Variants in CAMKMT observed in about 807,000 individuals in gnomAD.
The protein encoded by CAMKMT is CaM KMT.
A neutral mutation model predicts 48.0 loss-of-function variants in CAMKMT; 53 were observed. The ratio of observed to expected loss-of-function variants is 1.10; its 90% CI spans 0.89 to 1.39. The LOEUF is 1.39. CAMKMT is among the 40% of genes most tolerant of loss of function. CAMKMT has a pLI of 0.00. For missense variants in CAMKMT, 428 were observed against 402.7 expected (o/e 1.06, Z -0.54); for synonymous variants, 165 against 152.3 (o/e 1.08, Z -0.61).
intron 3 of CAMKMT, among the ~76,000 whole-genome samples, chr2:44,560,156 T>C (rs1668245607): frequency 6.6e-6 from 1 of 152,198 alleles, no homozygotes; most frequent in South Asian, 2.1e-4. Context: ...GGAGTTTCTG[T>C]TAGGAAAAAT....
At chr2:44,566,000 T>G (rs902634375) in intron 3 of CAMKMT, among the ~76,000 whole-genome samples, 1 of 152,196 alleles carries the variant, frequency 6.6e-6, no homozygotes, top group Non-Finnish European at 1.5e-5. Flanking sequence ...TGGGGTAAAT[T>G]AGATGGCGCT....
intron 3 of CAMKMT, among the ~76,000 whole-genome samples, chr2:44,408,151 G>A (rs955004822): frequency 1.3e-5 from 2 of 150,436 alleles, no homozygotes; most frequent in African/African-American, 2.5e-5. Flanking sequence ...TCAGCCTCCC[G>A]AGTAGCTGGG....
At chr2:44,510,617 ATT>A (rs1285429829) in intron 3 of CAMKMT, among the ~76,000 whole-genome samples, 1 of 152,138 alleles carries the variant, frequency 6.6e-6, no homozygotes, top group Non-Finnish European at 1.5e-5. Context: ...TCCCTCTCAG[ATT>A]TTACATTCCA....
At chr2:44,483,417 C>G (rs1034235637) in intron 3 of CAMKMT, among the ~76,000 whole-genome samples, 1 of 152,022 alleles carries the variant, frequency 6.6e-6, no homozygotes, top group Admixed American at 6.6e-5. Context: ...ACTTTATTAG[C>G]CTTAAAGATG....
At chr2:44,586,824 A>G (rs554559029) in intron 3 of CAMKMT, among the ~76,000 whole-genome samples, 1 of 152,320 alleles carries the variant, frequency 6.6e-6, no homozygotes, top group African/African-American at 2.4e-5. Context: ...GAGTAAATAC[A>G]TAGGAGTAGA....
At chr2:44,664,527 T>A (rs1346361314) in intron 3 of CAMKMT, among the ~76,000 whole-genome samples, 3 of 152,262 alleles carry the variant, frequency 2.0e-5, no homozygotes, top group Non-Finnish European at 4.4e-5. Flanking sequence ...GCTCAGCTTT[T>A]ATTTCATTAA....
intron 3 of CAMKMT, among the ~76,000 whole-genome samples, chr2:44,521,795 C>T (rs138458390): frequency 0.013 from 1,938 of 152,168 alleles, 40 homozygotes; most frequent in African/African-American, 0.044. Context: ...TTTGAGGCTG[C>T]AGAATTTGAG....
chr2:44,578,333 T>G, intron 3 of CAMKMT, among the ~76,000 whole-genome samples: 1 of 152,360 alleles, frequency 6.6e-6, no homozygotes, highest in East Asian at 1.9e-4. Context: ...AATACTGTAT[T>G]AATTCGATGT....
rs576026209 is a variant in CAMKMT, at chr2:44,457,676, G to T, written c.376+67371G>T. On this transcript the variant is annotated intron_variant, in intron 3 of 10. Coordinates refer to ENST00000378494, the MANE Select transcript of CAMKMT (RefSeq NM_024766.5). ...CCTCCCAAAAGTGCTAGGATTACAG[G>T]CATGAGCCACCGTGCCCGGCCCTTA... Among the ~76,000 whole-genome samples the T allele has an allele frequency of 4.9e-4, 75 of 152,278 alleles. 1 individual carries two copies. The highest frequency in any genetic ancestry group is 1.7e-3 in the African/African-American group (71 of 41,572).
intron 7 of CAMKMT, among the ~76,000 whole-genome samples, chr2:44,716,657 C>T (rs1678190009): frequency 6.6e-6 from 1 of 152,164 alleles, no homozygotes. Context: ...GTGGGGTCCT[C>T]ATTGTTAGGA....
At chr2:44,574,434 G>A (rs1167415394) in intron 3 of CAMKMT, among the ~76,000 whole-genome samples, 1 of 152,150 alleles carries the variant, frequency 6.6e-6, no homozygotes, top group African/African-American at 2.4e-5. Context: ...TTGGCTTGGT[G>A]TGTGAGAGTT....
chr2:44,437,478 A>G (rs1371927798), intron 3 of CAMKMT, among the ~76,000 whole-genome samples: 1 of 140,974 alleles, frequency 7.1e-6, no homozygotes, highest in Admixed American at 6.8e-5. Flanking sequence ...TTTTTTATTT[A>G]ATTCCTTTAT....
intron 2 of CAMKMT, among the ~76,000 whole-genome samples, chr2:44,376,511 C>T (rs996422531): frequency 6.6e-6 from 1 of 151,874 alleles, no homozygotes; most frequent in African/African-American, 2.4e-5. Context: ...CAGTTCTTAT[C>T]GCCTAAGATC....
At chr2:44,363,921 C>T (rs1314529334) in intron 1 of CAMKMT, among the ~76,000 whole-genome samples, 1 of 151,698 alleles carries the variant, frequency 6.6e-6, no homozygotes, top group Non-Finnish European at 1.5e-5. Flanking sequence ...AAACTCCTGA[C>T]CTCAGGTGAT....
At chr2:44,652,924 T>C (rs1407103467) in intron 3 of CAMKMT, among the ~76,000 whole-genome samples, 1 of 152,198 alleles carries the variant, frequency 6.6e-6, no homozygotes, top group African/African-American at 2.4e-5. Flanking sequence ...CTTCTCCTCC[T>C]TTGCCATCTG....
intron 2 of CAMKMT, among the ~76,000 whole-genome samples, chr2:44,377,245 G>A (rs969768044): frequency 1.3e-5 from 2 of 152,078 alleles, no homozygotes; most frequent in African/African-American, 4.8e-5. Context: ...GGGGTCAAGG[G>A]ATCTGCCTGC....
At chr2:44,550,938 T>C (rs1667679562) in intron 3 of CAMKMT, 1 of 152,174 alleles carries the variant, frequency 6.6e-6, no homozygotes. Context: ...AAACAACTCA[T>C]TCATGAATGT....
At chr2:44,746,515 T>C (rs1679923189) in intron 8 of CAMKMT, among the ~76,000 whole-genome samples, 1 of 152,210 alleles carries the variant, frequency 6.6e-6, no homozygotes, top group Non-Finnish European at 1.5e-5. Flanking sequence ...AACTAGATTA[T>C]AAAATAAAGA....
intron 3 of CAMKMT, among the ~76,000 whole-genome samples, chr2:44,508,396 GCAGTATACCTATA>G (rs1670367386): frequency 6.6e-6 from 1 of 152,138 alleles, no homozygotes; most frequent in Non-Finnish European, 1.5e-5. Context: ...GAGTGAGTAG[GCAGTATACCTATA>G]GGTATAGAAC....
Sources: allele counts gnomAD v4.1 joint callset (sites outside exome capture counted in the v4.1 genomes callset), GRCh38; gene constraint gnomAD v4.1.1; transcripts MANE v1.5; gene names NCBI Gene and HGNC (gene_info 2026-07-23, HGNC 2026-07-21).